ZBTB20: variants seen among roughly 807,000 people sequenced by gnomAD.
ZBTB20 encodes the protein zinc finger and BTB domain-containing protein 20.
Under a neutral mutation model 56.9 loss-of-function variants are expected in ZBTB20, and 9 were observed. The observed-to-expected ratio is 0.16, with a 90% CI of 0.10 to 0.28. The LOEUF is 0.28. ZBTB20 is among the 10% of genes least tolerant of loss of function. The pLI is 1.00. For synonymous variants in ZBTB20, 417 were observed against 420.7 expected (o/e 0.99, Z 0.11); for missense variants, 655 against 1,003.0 (o/e 0.65, Z 4.69).
chr3:114,890,547 A>G (rs2076767555), intron 4 of ZBTB20, among the ~76,000 whole-genome samples: 2 of 152,276 alleles, frequency 1.3e-5, no homozygotes, highest in Non-Finnish European at 1.5e-5. Flanking sequence ...TGGGAATTGA[A>G]CAATGAGAAC....
intron 1 of ZBTB20, among the ~76,000 whole-genome samples, chr3:115,099,055 A>G (rs2083482985): frequency 6.6e-6 from 1 of 152,204 alleles, no homozygotes; most frequent in South Asian, 2.1e-4. Flanking sequence ...TCCATTTCAA[A>G]TGGCCCTTAT....
In ZBTB20 at chr3:114,338,825, A is replaced by G. The variant is rs945926401; in HGVS notation, c.*180T>C. The G allele has an allele frequency of 1.6e-6, 1 of 635,780 alleles. No individual in the cohort carries two copies. Among genetic ancestry groups the G allele is most frequent in the Non-Finnish European group, 2.4e-6 (1 of 409,728 alleles). The allele number at this position is 635,780 out of a possible 1,614,324, so 39.4% of individuals were successfully genotyped here. A position where few individuals can be genotyped will look rare whatever the true frequency, so the allele number is the denominator to read the frequency against. ...TATTCACCCAAGCCTCCGGAAATGT[A>G]ATGTACCAGCAGGCAAAAAACAGTT... On this transcript the variant is annotated 3_prime_UTR_variant, in exon 12 of 12. Coordinates refer to ENST00000675478, the MANE Select transcript of ZBTB20 (RefSeq NM_001348800.3).
At chr3:114,626,532 T>A (rs933825483) in intron 6 of ZBTB20, among the ~76,000 whole-genome samples, 1 of 152,190 alleles carries the variant, frequency 6.6e-6, no homozygotes, top group Non-Finnish European at 1.5e-5. Flanking sequence ...GAGGAATCAA[T>A]ATGAAGACTC....
intron 6 of ZBTB20, among the ~76,000 whole-genome samples, chr3:114,531,312 T>C (rs2047816088): frequency 6.6e-6 from 1 of 152,218 alleles, no homozygotes; most frequent in Non-Finnish European, 1.5e-5. Context: ...TTCTAAATCC[T>C]GTAGTGCTTT....
At chr3:114,558,952 C>T (rs1559959121) in intron 6 of ZBTB20, among the ~76,000 whole-genome samples, 1 of 152,146 alleles carries the variant, frequency 6.6e-6, no homozygotes, top group East Asian at 1.9e-4. Flanking sequence ...TAGTTTCTAA[C>T]ATCATTCAGG....
At chr3:114,361,301 C>T (rs2081850986) in intron 10 of ZBTB20, among the ~76,000 whole-genome samples, 1 of 152,166 alleles carries the variant, frequency 6.6e-6, no homozygotes, top group South Asian at 2.1e-4. Flanking sequence ...ATTGTGGTTT[C>T]TCTCCTCACC....
chr3:114,556,128 T>C (rs1053044923), intron 6 of ZBTB20, among the ~76,000 whole-genome samples: 4 of 152,108 alleles, frequency 2.6e-5, no homozygotes, highest in Non-Finnish European at 1.5e-5. Context: ...TTCCTTCTTG[T>C]AAGCTTCCCT....
intron 7 of ZBTB20, among the ~76,000 whole-genome samples, chr3:114,446,570 T>A (rs528812274): frequency 6.6e-6 from 1 of 152,266 alleles, no homozygotes; most frequent in Admixed American, 6.5e-5. Flanking sequence ...ATCATCGAAT[T>A]TATTACCCTG....
At position 114,843,633 on chromosome 3, in the gene ZBTB20, C is replaced by T. The variant is rs560565933; in HGVS notation, c.-416-42459G>A. 3.7e-4 allele frequency among the ~76,000 whole-genome samples: 56 copies of T among 152,202 alleles called. 2 individuals are homozygous for T. In the South Asian group the frequency reaches 3.7e-3, roughly 10 times the overall value. ...ATCCTCCCACCTCAGCCTCCTAAAGCTCTGGGATTACAGGCATAAGCCCCC... is the reference window on the plus strand; with the variant it reads ...ATCCTCCCACCTCAGCCTCCTAAAGTTCTGGGATTACAGGCATAAGCCCCC... On this transcript the variant is annotated intron_variant, in intron 4 of 11. Transcript: ENST00000675478.
chr3:114,548,870 A>G (rs1445917266), intron 6 of ZBTB20, among the ~76,000 whole-genome samples: 1 of 152,220 alleles, frequency 6.6e-6, no homozygotes, highest in East Asian at 1.9e-4. Context: ...TGCATAAACA[A>G]TGGATGTAGG....
chr3:114,339,922 C>T lies in ZBTB20; in HGVS notation c.1805-496G>A, dbSNP rs78297488. 0.017 allele frequency among the ~76,000 whole-genome samples: 2,553 copies of T among 152,162 alleles called. 32 individuals are homozygous for T. The highest frequency in any genetic ancestry group is 0.021 in the Non-Finnish European group (1,424 of 67,988). ...ATAGCTTGGTTCCTTGGGGTAAGTC[C>T]CCACTTCTAGTAGTCTAAGAAATAC... On this transcript the variant is annotated intron_variant, in intron 11 of 11. Coordinates refer to ENST00000675478, the MANE Select transcript of ZBTB20 (RefSeq NM_001348800.3). The surrounding 1 kb of genome is among the most constrained non-coding windows in gnomAD (Gnocchi z 4.2).
intron 6 of ZBTB20, among the ~76,000 whole-genome samples, chr3:114,662,168 T>C (rs2060772940): frequency 6.6e-6 from 1 of 151,394 alleles, no homozygotes; most frequent in South Asian, 2.1e-4. Flanking sequence ...GGTTTTTTGT[T>C]CTTGCGATAG....
chr3:115,063,925 T>G (rs1003181720), intron 2 of ZBTB20, among the ~76,000 whole-genome samples: 2 of 152,202 alleles, frequency 1.3e-5, no homozygotes, highest in Admixed American at 6.5e-5. Flanking sequence ...ATCCTTCCAG[T>G]AATCAGTGAA....
intron 7 of ZBTB20, among the ~76,000 whole-genome samples, chr3:114,463,177 A>G (rs1401199256): frequency 6.6e-6 from 1 of 152,240 alleles, no homozygotes; most frequent in Non-Finnish European, 1.5e-5. Context: ...ATTGTTCTGA[A>G]GATCAAAATG....
intron 7 of ZBTB20, among the ~76,000 whole-genome samples, chr3:114,451,642 G>A (rs1354687285): frequency 6.6e-6 from 1 of 152,048 alleles, no homozygotes; most frequent in African/African-American, 2.4e-5. Flanking sequence ...TGGGTGAGGG[G>A]AGAAGGAAAT....
At chr3:114,533,194 G>A (rs2048067821) in intron 6 of ZBTB20, among the ~76,000 whole-genome samples, 2 of 152,066 alleles carry the variant, frequency 1.3e-5, no homozygotes, top group African/African-American at 2.4e-5. Flanking sequence ...GAACTCCTCT[G>A]AGCTAAAGGA....
chr3:114,345,704 G>A (rs1349372782), intron 11 of ZBTB20, among the ~76,000 whole-genome samples: 2 of 152,062 alleles, frequency 1.3e-5, no homozygotes, highest in African/African-American at 4.8e-5. Context: ...GATGTCTGGG[G>A]TGGGGGTGAA....
chr3:114,457,284 G>A (rs555083376), intron 7 of ZBTB20, among the ~76,000 whole-genome samples: 3 of 152,278 alleles, frequency 2.0e-5, no homozygotes, highest in Admixed American at 2.0e-4. Context: ...GATGATATTG[G>A]TCCCATAGAG....
At chr3:114,910,113 T>C (rs2075472418) in intron 3 of ZBTB20, among the ~76,000 whole-genome samples, 1 of 151,936 alleles carries the variant, frequency 6.6e-6, no homozygotes, top group Non-Finnish European at 1.5e-5. Flanking sequence ...AAGTGATTAC[T>C]GAATACTATG....
Sources: allele counts gnomAD v4.1 joint callset (sites outside exome capture counted in the v4.1 genomes callset), GRCh38; gene constraint gnomAD v4.1.1; non-coding constraint Gnocchi (gnomAD v3.1); transcripts MANE v1.5; gene names NCBI Gene and HGNC (gene_info 2026-07-23, HGNC 2026-07-21).